LPCAT1: variants seen among roughly 807,000 people sequenced by gnomAD.
LPCAT1 encodes lysophosphatidylcholine acyltransferase 1.
Under a neutral mutation model 60.9 loss-of-function variants are expected in LPCAT1, and 23 were observed. The observed-to-expected ratio is 0.38, with a 90% CI of 0.27 to 0.53. LPCAT1 has a LOEUF of 0.53. LPCAT1 is among the 20% of genes least tolerant of loss of function. The pLI, the probability that LPCAT1 is intolerant of heterozygous loss-of-function variation, is 0.82. For missense variants in LPCAT1, 622 were observed against 723.6 expected (o/e 0.86, Z 1.61); for synonymous variants, 340 against 301.1 (o/e 1.13, Z -1.34).
rs1734201485 is a variant in LPCAT1 at position 1,463,672 on chromosome 5, A to T, written c.1584T>A (p.Pro528=). Residue 528 remains proline (P), a synonymous_variant, in exon 14 of 14, where the codon CCT becomes CCA. Coordinates refer to ENST00000283415, the MANE Select transcript of LPCAT1 (RefSeq NM_024830.5). ...GGTCCTAATCCAGCTTCTTGCGAACAGGCTTCCGCCCAGCGTCTGAGTTTT... is the reference window on the plus strand; with the variant it reads ...GGTCCTAATCCAGCTTCTTGCGAACTGGCTTCCGCCCAGCGTCTGAGTTTT... ...SPENSDAGRK[P]VRKKLD The T allele has an allele frequency of 1.9e-6, 3 of 1,614,234 alleles. No individual in the cohort carries two copies. Among genetic ancestry groups the T allele is most frequent in the Non-Finnish European group, 1.7e-6 (2 of 1,180,042 alleles).
rs1018104220 is a variant in LPCAT1, at chr5:1,477,971, G to A, written c.817-485C>T. ...GGCTCTCTGATCTACACTCACCCCCGTCAGTGCTCCTAGGAGCTCCTGCTG... is the reference window on the plus strand; with the variant it reads ...GGCTCTCTGATCTACACTCACCCCCATCAGTGCTCCTAGGAGCTCCTGCTG... On this transcript the variant is annotated intron_variant, in intron 8 of 13. Transcript: ENST00000283415. This position sits in a 1 kb window ranked among gnomAD's most constrained non-coding sequence, Gnocchi z 6.0. Among the ~76,000 whole-genome samples, 1 of 151,998 alleles carries A rather than the reference G, an allele frequency of 6.6e-6. No individual in the cohort carries two copies. Among genetic ancestry groups the A allele is most frequent in the African/African-American group, 2.4e-5 (1 of 41,368 alleles).
rs549207516 is a variant in LPCAT1 at position 1,500,016 on chromosome 5, C to A, written c.278+1445G>T. On this transcript the variant is annotated intron_variant, in intron 2 of 13. Coordinates refer to ENST00000283415, the MANE Select transcript of LPCAT1 (RefSeq NM_024830.5). The stretch of plus-strand genomic sequence containing the variant: ...CAGTGAATGCTTTAGGCTCTACAGC[C>A]ACACGGCCTCTGTCCCAACCACTTG... 3.9e-5 allele frequency among the ~76,000 whole-genome samples: 6 copies of A among 152,392 alleles called. No individual in the cohort carries two copies. In the South Asian group the frequency reaches 1.2e-3, roughly 32 times the overall value.
chr5:1,479,251 C>A (rs1056292041), intron 8 of LPCAT1, among the ~76,000 whole-genome samples: 1 of 152,172 alleles, frequency 6.6e-6, no homozygotes, highest in African/African-American at 2.4e-5. Flanking sequence ...CTAGGCATGG[C>A]GTGTGCCTGT....
At position 1,483,217 on chromosome 5, in the gene LPCAT1, A is replaced by G. The variant is rs975000581; in HGVS notation, c.726+211T>C. 6.6e-6 allele frequency among the ~76,000 whole-genome samples: 1 copy of G among 152,160 alleles called. No homozygotes were observed. Among genetic ancestry groups the G allele is most frequent in the East Asian group, 1.9e-4 (1 of 5,190 alleles). On this transcript the variant is annotated intron_variant, in intron 6 of 13. Transcript: ENST00000283415. This position sits in a 1 kb window ranked among gnomAD's most constrained non-coding sequence, Gnocchi z 9.2. ...TTGATCAGGGACACGTGCATAGAAC[A>G]GGCCGCACTCAGGAACGTGCCGAGC... is the stretch of plus-strand genomic sequence containing the variant.
At chr5:1,486,593 G>A (rs1735379792) in intron 5 of LPCAT1, among the ~76,000 whole-genome samples, 1 of 152,174 alleles carries the variant, frequency 6.6e-6, no homozygotes, top group Non-Finnish European at 1.5e-5. Flanking sequence ...GCAGCAGGCA[G>A]GTTGTGGGTG....
chr5:1,481,622 T>TG lies in LPCAT1; in HGVS notation c.727-647dup, dbSNP rs1735146487. 6.6e-6 allele frequency among the ~76,000 whole-genome samples: 1 copy of TG among 152,258 alleles called. No individual in the cohort carries two copies. The highest frequency in any genetic ancestry group is 2.1e-4 in the South Asian group (1 of 4,836). Reference sequence around the variant, plus strand: ...CTTCTTGGTGCATCCAGTAATAGTGTGTTGCTTTAAACACACTGATGAAAC... The same window carrying TG: ...CTTCTTGGTGCATCCAGTAATAGTGTGGTTGCTTTAAACACACTGATGAAAC... On this transcript the variant is annotated intron_variant, in intron 6 of 13. Coordinates refer to ENST00000283415, the MANE Select transcript of LPCAT1 (RefSeq NM_024830.5). The surrounding 1 kb of genome is among the most constrained non-coding windows in gnomAD (Gnocchi z 7.8).
chr5:1,488,881 G>A (rs922275481), intron 4 of LPCAT1, among the ~76,000 whole-genome samples: 8 of 152,244 alleles, frequency 5.3e-5, no homozygotes, highest in Admixed American at 1.3e-4. Flanking sequence ...TGATGGAGCC[G>A]AAGGAGGGCT....
At chr5:1,491,608 T>C (rs1426330621) in intron 3 of LPCAT1, among the ~76,000 whole-genome samples, 4 of 152,088 alleles carry the variant, frequency 2.6e-5, no homozygotes, top group Non-Finnish European at 4.4e-5. Flanking sequence ...AGCAAGGAGA[T>C]GCAGCTCCTC....
At position 1,479,762 on chromosome 5, in the gene LPCAT1, A is replaced by T. The variant is rs903557361; in HGVS notation, c.762-87T>A. ...CCCAATTCTGGGGTGAAACCTCCAG[A>T]CGCGCCCTCCAGAGGGCGCTACTGG... On this transcript the variant is annotated intron_variant, in intron 7 of 13. Coordinates refer to ENST00000283415, the MANE Select transcript of LPCAT1 (RefSeq NM_024830.5). 18 of 1,060,244 alleles carry T rather than the reference A, an allele frequency of 1.7e-5. No homozygotes were observed. In the African/African-American group the frequency reaches 2.8e-4, roughly 17 times the overall value. 65.7% of individuals were successfully genotyped at this position (1,060,244 alleles called of 1,614,324 possible). A position where few individuals can be genotyped will look rare whatever the true frequency, so the allele number is the denominator to read the frequency against.
In LPCAT1 at chr5:1,521,533, T is replaced by C; in HGVS notation, c.135+2177A>G. Reference sequence around the variant, plus strand: ...AAAAGCTTTGCAAAGCAATGCTTGGTGAAAAGCAAAATGTTTCTGCAGAGA... The same window carrying C: ...AAAAGCTTTGCAAAGCAATGCTTGGCGAAAAGCAAAATGTTTCTGCAGAGA... On this transcript the variant is annotated intron_variant, in intron 1 of 13. Coordinates refer to ENST00000283415, the MANE Select transcript of LPCAT1 (RefSeq NM_024830.5). The surrounding 1 kb of genome is among the most constrained non-coding windows in gnomAD (Gnocchi z 4.3). 1.0e-6 allele frequency: 1 copy of C among 962,514 alleles called. No individual in the cohort carries two copies. Among genetic ancestry groups the C allele is most frequent in the East Asian group, 1.1e-4 (1 of 8,710 alleles). 59.6% of individuals were successfully genotyped at this position (962,514 alleles called of 1,614,324 possible).
chr5:1,519,149 A>G (rs114641636), intron 1 of LPCAT1, among the ~76,000 whole-genome samples: 4,763 of 152,344 alleles, frequency 0.031, 295 homozygotes, highest in African/African-American at 0.11. Flanking sequence ...TCCGTTTAAG[A>G]CGAACTTTGG....
chr5:1,466,942 C>A, intron 12 of LPCAT1, 52 bp from the exon 13 acceptor site: 1 of 1,463,092 alleles, frequency 6.8e-7, no homozygotes, highest in South Asian at 1.4e-5. Context: ...GCCCACCAGG[C>A]CCCGCTGTCC....
chr5:1,488,168 C>T (rs1036592131), intron 5 of LPCAT1, among the ~76,000 whole-genome samples: 19 of 152,200 alleles, frequency 1.2e-4, no homozygotes, highest in African/African-American at 4.1e-4. Context: ...TCACTGGAAA[C>T]GCCCTGAAAC....
chr5:1,523,862 G>A lies in LPCAT1; in HGVS notation c.-18C>T, dbSNP rs1487254593. 2.9e-6 allele frequency: 3 copies of A among 1,046,690 alleles called. No individual in the cohort carries two copies. Among genetic ancestry groups the A allele is most frequent in the Non-Finnish European group, 3.4e-6 (3 of 871,042 alleles). The allele number at this position is 1,046,690 out of a possible 1,614,324, so 64.8% of individuals were successfully genotyped here. On this transcript the variant is annotated 5_prime_UTR_variant, in exon 1 of 14. Coordinates refer to ENST00000283415, the MANE Select transcript of LPCAT1 (RefSeq NM_024830.5). The surrounding 1 kb of genome is among the most constrained non-coding windows in gnomAD (Gnocchi z 7.1). ...AGCCTCATGGCCGCGCCGTCCCGCG[G>A]CGAGCGCAGCCGAGCTGCCTGGGGC...
rs907648418 is a variant in LPCAT1 at position 1,483,234 on chromosome 5, G to A, written c.726+194C>T. ...CATAGAACAGGCCGCACTCAGGAAC[G>A]TGCCGAGCCCAGGGCCCGGGCCTGT... On this transcript the variant is annotated intron_variant, in intron 6 of 13. Coordinates refer to ENST00000283415, the MANE Select transcript of LPCAT1 (RefSeq NM_024830.5). This position sits in a 1 kb window ranked among gnomAD's most constrained non-coding sequence, Gnocchi z 9.2. Among the ~76,000 whole-genome samples the A allele has an allele frequency of 5.3e-5, 8 of 152,152 alleles. No individual in the cohort carries two copies. The highest frequency in any genetic ancestry group is 1.9e-4 in the African/African-American group (8 of 41,432).
At chr5:1,484,014 G>A (rs1043575868) in intron 5 of LPCAT1, among the ~76,000 whole-genome samples, 4 of 152,264 alleles carry the variant, frequency 2.6e-5, no homozygotes, top group South Asian at 2.1e-4. Context: ...CGGGGTTAGG[G>A]TCTGCCCTCA....
chr5:1,512,247 C>A (rs1266413372), intron 1 of LPCAT1, among the ~76,000 whole-genome samples: 1 of 152,180 alleles, frequency 6.6e-6, no homozygotes, highest in Non-Finnish European at 1.5e-5. Flanking sequence ...CACAGGCAGG[C>A]CCTCCATGCC....
At chr5:1,493,984 G>T (rs1057155387) in intron 3 of LPCAT1, among the ~76,000 whole-genome samples, 9 of 152,260 alleles carry the variant, frequency 5.9e-5, no homozygotes, top group African/African-American at 1.9e-4. Context: ...GAGGGACGCA[G>T]CCCCCAGAGG....
chr5:1,477,507 C>A lies in LPCAT1; in HGVS notation c.817-21G>T. 6.3e-7 allele frequency: 1 copy of A among 1,583,770 alleles called. No individual in the cohort carries two copies. Among genetic ancestry groups the A allele is most frequent in the South Asian group, 1.1e-5 (1 of 90,168 alleles). On this transcript the variant is annotated intron_variant, in intron 8 of 13. Coordinates refer to ENST00000283415, the MANE Select transcript of LPCAT1 (RefSeq NM_024830.5). This position sits in a 1 kb window ranked among gnomAD's most constrained non-coding sequence, Gnocchi z 6.0. ...AGGAACTGAGCACACAGAGAAGCTG[C>A]GTTAGTATCACAAGACGCTGACCTC... is the stretch of plus-strand genomic sequence containing the variant.
Sources: gnomAD v4.1 joint callset for allele counts (sites outside exome capture counted in the v4.1 genomes callset) on GRCh38, gnomAD v4.1.1 for gene constraint, Gnocchi (gnomAD v3.1) non-coding constraint, MANE v1.5 for transcripts, NCBI Gene and HGNC (gene_info 2026-07-23, HGNC 2026-07-21) for gene names.